The following STPG2 variants were observed in gnomAD, a reference collection of about 807,000 sequenced individuals.
The protein encoded by STPG2 is sperm-tail PG-rich repeat-containing protein 2.
A neutral mutation model predicts 54.2 loss-of-function variants in STPG2; 56 were observed. That is an observed-to-expected ratio of 1.03 (90% CI 0.83 to 1.29). STPG2 has a LOEUF of 1.29. STPG2 is among the 50% of genes most tolerant of loss of function. The pLI, the probability that STPG2 is intolerant of heterozygous loss-of-function variation, is 0.00. For synonymous variants in STPG2, 200 were observed against 181.8 expected, an observed-to-expected ratio of 1.10 and a Z score of -0.81; for missense variants, 596 against 544.9, an observed-to-expected ratio of 1.09 and a Z score of -0.93.
At chr4:98,103,451 G>T (rs1037627292) in intron 5 of STPG2, among the ~76,000 whole-genome samples, 13 of 151,908 alleles carry the variant, frequency 8.6e-5, no homozygotes, top group Admixed American at 8.5e-4. Flanking sequence ...AGACCAGCCT[G>T]ACCAACATAG....
At chr4:97,835,984 G>A (rs1445680307) in intron 9 of STPG2, among the ~76,000 whole-genome samples, 1 of 152,068 alleles carries the variant, frequency 6.6e-6, no homozygotes, top group Non-Finnish European at 1.5e-5. Context: ...TCTTGTGGAT[G>A]AGCAAAGAAA....
At chr4:97,643,670 C>T (rs1721826307) in intron 10 of STPG2, among the ~76,000 whole-genome samples, 2 of 151,740 alleles carry the variant, frequency 1.3e-5, no homozygotes, top group Admixed American at 6.6e-5. Flanking sequence ...AAACTAATTT[C>T]CTTCTTTGTT....
At chr4:97,726,446 G>A (rs908790167) in intron 9 of STPG2, among the ~76,000 whole-genome samples, 5 of 151,826 alleles carry the variant, frequency 3.3e-5, no homozygotes, top group Admixed American at 6.6e-5. Flanking sequence ...TTTCTCTTAC[G>A]TGTATTTTGC....
At chr4:98,141,938 T>C (rs1332548873) in intron 1 of STPG2, among the ~76,000 whole-genome samples, 1 of 92,906 alleles carries the variant, frequency 1.1e-5, no homozygotes, top group Non-Finnish European at 2.1e-5. Context: ...AAGACAGTAG[T>C]TGGGAAAAAA....
intron 8 of STPG2, among the ~76,000 whole-genome samples, chr4:97,866,753 C>G (rs1403121997): frequency 6.6e-6 from 1 of 151,850 alleles, no homozygotes; most frequent in Non-Finnish European, 1.5e-5. Flanking sequence ...ACTTTCACAG[C>G]TAGTGATCTC....
chr4:97,737,005 A>C (rs913404136), intron 9 of STPG2, among the ~76,000 whole-genome samples: 1 of 152,102 alleles, frequency 6.6e-6, no homozygotes, highest in African/African-American at 2.4e-5. Flanking sequence ...TACTCCTCTG[A>C]GACAAAACTT....
At chr4:97,563,811 T>C (rs901203958) in intron 10 of STPG2, among the ~76,000 whole-genome samples, 2 of 152,152 alleles carry the variant, frequency 1.3e-5, no homozygotes, top group African/African-American at 4.8e-5. Context: ...AGACAGTTTG[T>C]TATAATTTCT....
chr4:97,885,750 T>C (rs1370545097), intron 8 of STPG2, among the ~76,000 whole-genome samples: 1 of 152,152 alleles, frequency 6.6e-6, no homozygotes, highest in Non-Finnish European at 1.5e-5. Flanking sequence ...TTGTGGGAAT[T>C]GTGTATCCAT....
At chr4:97,470,124 G>A (rs1048199144) in intron 4 of STPG2, among the ~76,000 whole-genome samples, 1 of 152,086 alleles carries the variant, frequency 6.6e-6, no homozygotes, top group Non-Finnish European at 1.5e-5. Flanking sequence ...ATGAAAGTCA[G>A]ATTCAGGACA....
intron 5 of STPG2, among the ~76,000 whole-genome samples, chr4:97,988,504 C>A (rs1239168502): frequency 6.6e-6 from 1 of 152,178 alleles, no homozygotes; most frequent in Non-Finnish European, 1.5e-5. Flanking sequence ...TGGATGGGTA[C>A]ATGAATTGAA....
chr4:97,674,492 G>A (rs1722783643), intron 10 of STPG2, among the ~76,000 whole-genome samples: 1 of 150,936 alleles, frequency 6.6e-6, no homozygotes, highest in African/African-American at 2.4e-5. Context: ...TTTATTCCAT[G>A]TATAATTTTC....
At chr4:97,632,444 C>T (rs1206397913) in intron 10 of STPG2, among the ~76,000 whole-genome samples, 1 of 151,954 alleles carries the variant, frequency 6.6e-6, no homozygotes, top group Non-Finnish European at 1.5e-5. Flanking sequence ...CAATTAGTAT[C>T]ACTATTTACT....
intron 9 of STPG2, among the ~76,000 whole-genome samples, chr4:97,737,944 T>A (rs1032267791): frequency 5.3e-5 from 8 of 152,044 alleles, no homozygotes; most frequent in Non-Finnish European, 7.4e-5. Flanking sequence ...GGAAAAAATG[T>A]TAAGGGCAGC....
Position 97,875,425 on chromosome 4 carries a change from G to A in STPG2, c.1045-34493C>T, listed in dbSNP as rs151198578. ...AAGATCAGAGCCTAATGACTCGTAA[G>A]GAAAAAAAACACACTGGGAATTCAT... On this transcript the variant is annotated intron_variant, in intron 8 of 10. Transcript: ENST00000295268. 2.8e-3 allele frequency among the ~76,000 whole-genome samples: 393 copies of A among 139,524 alleles called. 3 individuals carry two copies. Among genetic ancestry groups the A allele is most frequent in the African/African-American group, 9.0e-3 (367 of 40,652 alleles). 91.5% of individuals were successfully genotyped at this position (139,524 alleles called of 152,430 possible). A position where few individuals can be genotyped will look rare whatever the true frequency, so the allele number is the denominator to read the frequency against.
chr4:97,890,761 A>C (rs1460588022), intron 8 of STPG2, among the ~76,000 whole-genome samples: 2 of 151,994 alleles, frequency 1.3e-5, no homozygotes, highest in East Asian at 3.8e-4. Context: ...ATCATTATAC[A>C]CTATATAAAG....
At chr4:98,114,163 G>C (rs1739441896) in intron 3 of STPG2, among the ~76,000 whole-genome samples, 1 of 152,082 alleles carries the variant, frequency 6.6e-6, no homozygotes. Context: ...GCTAAAGTAA[G>C]TGCTCCAGAT....
intron 4 of STPG2, among the ~76,000 whole-genome samples, chr4:97,497,770 A>C (rs1313853335): frequency 6.6e-6 from 1 of 151,878 alleles, no homozygotes; most frequent in Non-Finnish European, 1.5e-5. Context: ...ATGATTTCAA[A>C]ATATTAATAA....
intron 5 of STPG2, among the ~76,000 whole-genome samples, chr4:97,988,406 C>A (rs1215069267): frequency 6.6e-6 from 1 of 152,042 alleles, no homozygotes; most frequent in Non-Finnish European, 1.5e-5. Context: ...AAGTCATTTT[C>A]TTTTTCTGTT....
At chr4:97,634,416 A>T (rs1006794058) in intron 10 of STPG2, among the ~76,000 whole-genome samples, 7 of 152,132 alleles carry the variant, frequency 4.6e-5, no homozygotes, top group Non-Finnish European at 1.0e-4. Flanking sequence ...AAAACTGGAA[A>T]CTAAAAATCA....
Sources: allele counts gnomAD v4.1 joint callset (sites outside exome capture counted in the v4.1 genomes callset), GRCh38; gene constraint gnomAD v4.1.1; transcripts MANE v1.5; gene names NCBI Gene and HGNC (gene_info 2026-07-23, HGNC 2026-07-21).